KIF21B: variants seen among roughly 807,000 people sequenced by gnomAD.
The protein encoded by KIF21B is kinesin-like protein KIF21B.
In KIF21B, 85 loss-of-function variants were observed where a neutral mutation model predicts 192.9. That is an observed-to-expected ratio of 0.44 (90% CI 0.37 to 0.53). The LOEUF is 0.53. Ranked by LOEUF, KIF21B falls within the 20% of genes least tolerant of loss-of-function variation. The pLI, the probability that KIF21B is intolerant of heterozygous loss-of-function variation, is 0.00. For missense variants in KIF21B, 1,716 were observed against 2,194.8 expected (o/e 0.78, Z 4.36); for synonymous variants, 832 against 884.6 (o/e 0.94, Z 1.05).
intron 1 of KIF21B, among the ~76,000 whole-genome samples, chr1:201,018,139 G>A (rs993310431): frequency 6.6e-6 from 1 of 152,202 alleles, no homozygotes; most frequent in African/African-American, 2.4e-5. Flanking sequence ...ACTTTCTAGA[G>A]GGTAAAATGA....
At position 201,000,778 on chromosome 1, in the gene KIF21B, C is replaced by T. The variant is rs758012354; in HGVS notation, c.1405G>A (p.Asp469Asn). 6.2e-6 allele frequency: 10 copies of T among 1,614,056 alleles called. No individual in the cohort carries two copies. Among genetic ancestry groups the T allele is most frequent in the African/African-American group, 1.3e-5 (1 of 74,926 alleles). Residue 469 changes from aspartate to asparagine, a missense_variant and splice_region_variant, in exon 10 of 35, where the codon GAT (aspartate) becomes AAT (asparagine). Asp to Asn is a conservative substitution (Grantham distance 23, BLOSUM62 1). Around this residue, in one of 3 missense-constraint regions of KIF21B, gnomAD observed 1,087 missense variants for 1,316.6 expected, o/e 0.83. Coordinates refer to ENST00000461742, the MANE Select transcript of KIF21B (RefSeq NM_001252102.2). The surrounding 1 kb of genome is among the most constrained non-coding windows in gnomAD (Gnocchi z 6.0). Reference protein sequence around the residue: ...EANLLLAKAGDGNEAIGALIQ... With the variant: ...EANLLLAKAGNGNEAIGALIQ... The stretch of plus-strand genomic sequence containing the variant: ...AGCGCACCAATGGCCTCATTGCCAT[C>T]GCCTGGAGTGGGACGGCGGGAAGAA...
In KIF21B at chr1:200,999,955, C is replaced by T. The variant is rs776092158; in HGVS notation, c.1695G>A (p.Lys565=). The part of the protein sequence containing the change: ...EVRQRRKSPE[K]EAFKKRAKLQ... Reference sequence around the variant, plus strand: ...GTTTTGCCCTCTTTTTGAAGGCTTCCTTCTCGGGGCTGCTCAGGGAGGACA... The same window carrying T: ...GTTTTGCCCTCTTTTTGAAGGCTTCTTTCTCGGGGCTGCTCAGGGAGGACA... The change falls in exon 12 of 35, where the codon AAG becomes AAA. Residue 565 remains lysine, a synonymous_variant. Transcript: ENST00000461742. This position sits in a 1 kb window ranked among gnomAD's most constrained non-coding sequence, Gnocchi z 4.7. The T allele has an allele frequency of 6.2e-7, 1 of 1,613,724 alleles. No individual in the cohort carries two copies. Among genetic ancestry groups the T allele is most frequent in the Admixed American group, 1.7e-5 (1 of 60,006 alleles).
chr1:201,005,241 C>T, intron 5 of KIF21B, 67 bp downstream of exon 5: 1 of 1,498,016 alleles, frequency 6.7e-7, no homozygotes. Flanking sequence ...TCTGTGGCTC[C>T]TCATCTTGCC....
At chr1:201,006,867 C>T (rs1398524762) in intron 3 of KIF21B, among the ~76,000 whole-genome samples, 1 of 151,486 alleles carries the variant, frequency 6.6e-6, no homozygotes, top group Non-Finnish European at 1.5e-5. Flanking sequence ...CAGACACACA[C>T]ACACACAGAC....
At position 200,982,642 on chromosome 1, in the gene KIF21B, C is replaced by G. The variant is rs1656018802; in HGVS notation, c.3842+414G>C. On this transcript the variant is annotated intron_variant, in intron 28 of 34. Coordinates refer to ENST00000461742, the MANE Select transcript of KIF21B (RefSeq NM_001252102.2). The surrounding 1 kb of genome is among the most constrained non-coding windows in gnomAD (Gnocchi z 4.7). Reference sequence around the variant, plus strand: ...CACCCCCAGCACAAGCTGAGGGAATCAAAGGACCCAGAGCACACCACCGGC... The same window carrying G: ...CACCCCCAGCACAAGCTGAGGGAATGAAAGGACCCAGAGCACACCACCGGC... Among the ~76,000 whole-genome samples, 1 of 152,168 alleles carries G rather than the reference C, an allele frequency of 6.6e-6. No homozygotes were observed. Among genetic ancestry groups the G allele is most frequent in the Non-Finnish European group, 1.5e-5 (1 of 68,018 alleles).
intron 1 of KIF21B, among the ~76,000 whole-genome samples, chr1:201,015,684 C>T (rs1461474990): frequency 6.6e-6 from 1 of 152,154 alleles, no homozygotes; most frequent in East Asian, 1.9e-4. Flanking sequence ...GAGATAAGCC[C>T]GGTGATGGCT....
chr1:200,980,843 A>G, intron 29 of KIF21B, 117 bp downstream of exon 29: 2 of 1,302,678 alleles, frequency 1.5e-6, no homozygotes, highest in Middle Eastern at 3.7e-4. Flanking sequence ...AATAGACCCC[A>G]TATCCTCAAC....
chr1:200,975,164 C>T lies in KIF21B; in HGVS notation c.4615-251G>A, dbSNP rs1274032142. On this transcript the variant is annotated intron_variant, in intron 33 of 34. Coordinates refer to ENST00000461742, the MANE Select transcript of KIF21B (RefSeq NM_001252102.2). The surrounding 1 kb of genome is among the most constrained non-coding windows in gnomAD (Gnocchi z 4.3). ...CTAAGATCCTGCCCTGGCAGAGAAC[C>T]CTTCAGCCCTCACACGGGTCAGGCT... 6.6e-6 allele frequency among the ~76,000 whole-genome samples: 1 copy of T among 151,904 alleles called. No homozygotes were observed. Among genetic ancestry groups the T allele is most frequent in the African/African-American group, 2.4e-5 (1 of 41,160 alleles).
In KIF21B at chr1:201,023,325, C is replaced by G; in HGVS notation, c.41+18G>C. ...CGAGGCTTCTCCGCGCGCCCCCTTC[C>G]CCGCCCCGGGTCCCTACCTGACGGC... On this transcript the variant is annotated intron_variant, in intron 1 of 34. Transcript: ENST00000461742. This position sits in a 1 kb window ranked among gnomAD's most constrained non-coding sequence, Gnocchi z 5.9. 2 of 1,524,864 alleles carry G rather than the reference C, an allele frequency of 1.3e-6. No homozygotes were observed. The highest frequency in any genetic ancestry group is 2.4e-5 in the South Asian group (2 of 81,738). 94.5% of individuals were successfully genotyped at this position (1,524,864 alleles called of 1,614,324 possible).
In KIF21B at chr1:200,991,036, T is replaced by C. The variant is rs1656658513; in HGVS notation, c.2568A>G (p.Ser856=). 1 of 1,614,174 alleles carries C rather than the reference T, an allele frequency of 6.2e-7. No individual in the cohort carries two copies. The highest frequency in any genetic ancestry group is 8.5e-7 in the Non-Finnish European group (1 of 1,180,040). ...AGCGGGCCCCTGATTCAGCCTCAGA[T>C]GAGGTAGTGCTGGCCGACACCTCAG... ...SGAEVSASTT[S]SEAESGARSV... The change falls in exon 18 of 35, where the codon TCA becomes TCG. Residue 856 remains serine (S), a synonymous_variant. Transcript: ENST00000461742.
chr1:201,017,685 C>T lies in KIF21B; in HGVS notation c.41+5658G>A, dbSNP rs557133256. Among the ~76,000 whole-genome samples, 8 of 152,334 alleles carry T rather than the reference C, an allele frequency of 5.3e-5. No individual in the cohort carries two copies. The highest frequency in any genetic ancestry group is 6.5e-5 in the Admixed American group (1 of 15,306). On this transcript the variant is annotated intron_variant, in intron 1 of 34. Transcript: ENST00000461742. This position sits in a 1 kb window ranked among gnomAD's most constrained non-coding sequence, Gnocchi z 4.1. The stretch of plus-strand genomic sequence containing the variant: ...GGCAGCAAGCCTCTCCCCACCACAC[C>T]GGCCCTGGCCCCCTGCCCACACTGC...
intron 1 of KIF21B, among the ~76,000 whole-genome samples, chr1:201,014,754 C>A (rs1269570070): frequency 6.6e-6 from 1 of 152,242 alleles, no homozygotes; most frequent in Non-Finnish European, 1.5e-5. Flanking sequence ...CCTAACTAAG[C>A]TGCCTCCAAA....
intron 8 of KIF21B, 118 bp downstream of exon 8, chr1:201,003,468 T>C: frequency 3.1e-6 from 3 of 969,724 alleles, no homozygotes; most frequent in Admixed American, 1.9e-5. Flanking sequence ...AAGTGGATGA[T>C]GGTAATAGGG....
chr1:200,977,067 G>T (rs1340807004), intron 31 of KIF21B, 145 bp downstream of exon 31: 7 of 1,076,264 alleles, frequency 6.5e-6, no homozygotes, highest in Non-Finnish European at 9.4e-6. Context: ...CAGTCTCACT[G>T]GAGAGGGCAC....
chr1:200,973,931 C>G (rs1417696516), intron 34 of KIF21B: 8 of 1,518,786 alleles, frequency 5.3e-6, no homozygotes, highest in African/African-American at 1.4e-5. Flanking sequence ...GCAGGAGGGA[C>G]AGGCAGGGCA....
chr1:200,974,578 AG>A (rs1209178368), intron 34 of KIF21B, 135 bp downstream of exon 34: 1 of 879,538 alleles, frequency 1.1e-6, no homozygotes, highest in African/African-American at 1.7e-5. Context: ...AGGTATGCAA[AG>A]GAGGCCACCA....
chr1:200,981,837 A>G (rs1655951863), intron 28 of KIF21B, among the ~76,000 whole-genome samples: 1 of 152,148 alleles, frequency 6.6e-6, no homozygotes, highest in Non-Finnish European at 1.5e-5. Context: ...GGGAGCGAGA[A>G]GGAGGCTGGC....
Position 201,017,625 on chromosome 1 carries a change from G to A in KIF21B, c.41+5718C>T, listed in dbSNP as rs1658582455. Among the ~76,000 whole-genome samples, 1 of 152,238 alleles carries A rather than the reference G, an allele frequency of 6.6e-6. No individual in the cohort carries two copies. The highest frequency in any genetic ancestry group is 1.5e-5 in the Non-Finnish European group (1 of 68,028). On this transcript the variant is annotated intron_variant, in intron 1 of 34. Coordinates refer to ENST00000461742, the MANE Select transcript of KIF21B (RefSeq NM_001252102.2). The surrounding 1 kb of genome is among the most constrained non-coding windows in gnomAD (Gnocchi z 4.1). ...TGGGCCCTGGGGATGCTCCCCTGCT[G>A]AGGAATGCAGAGCAACAGAAGGCTG...
At chr1:201,001,766 G>T (rs1657513798) in intron 9 of KIF21B, 1 of 199,784 alleles carries the variant, frequency 5.0e-6, no homozygotes, top group Non-Finnish European at 1.0e-5. Context: ...AGAAAAAGTA[G>T]TCTATATCAT....
Sources: gnomAD v4.1 joint callset for allele counts (sites outside exome capture counted in the v4.1 genomes callset) on GRCh38, gnomAD v4.1.1 for gene constraint, gnomAD v4.1.1 regional missense constraint, Gnocchi (gnomAD v3.1) non-coding constraint, MANE v1.5 for transcripts, NCBI Gene and HGNC (gene_info 2026-07-23, HGNC 2026-07-21) for gene names.